Variants in FSTL4 observed in about 807,000 individuals in gnomAD.
The protein encoded by FSTL4 is follistatin like 4.
FSTL4 carries 28 observed loss-of-function variants against 78.2 expected under a neutral mutation model. The ratio of observed to expected loss-of-function variants is 0.36; its 90% CI spans 0.27 to 0.49. The LOEUF is 0.49. Among genes scored for constraint, FSTL4 ranks in the 20% least tolerant of loss-of-function variants. The pLI is 0.98. For synonymous variants in FSTL4, 422 were observed against 440.5 expected, an observed-to-expected ratio of 0.96 and a Z score of 0.53; for missense variants, 922 against 1,084.9, an observed-to-expected ratio of 0.85 and a Z score of 2.11.
chr5:133,763,509 C>A, the FSTL4 span, among the ~76,000 whole-genome samples: 1 of 152,158 alleles, frequency 6.6e-6, no homozygotes, highest in African/African-American at 2.4e-5. Flanking sequence ...CCCCTCTGAG[C>A]CTCCTCCATG....
chr5:133,445,971 A>G (rs1757254669), intron 3 of FSTL4, among the ~76,000 whole-genome samples: 1 of 152,196 alleles, frequency 6.6e-6, no homozygotes, highest in Admixed American at 6.5e-5. Context: ...GTTCTTTTTA[A>G]TGGATACTAC....
intron 4 of FSTL4, among the ~76,000 whole-genome samples, chr5:133,388,840 A>G (rs1179878466): frequency 7.1e-6 from 1 of 141,178 alleles, no homozygotes; most frequent in African/African-American, 2.6e-5. Flanking sequence ...ATCCTCTCCC[A>G]CAGTATTTTT....
chr5:133,797,823 C>T, the FSTL4 span, among the ~76,000 whole-genome samples: 5 of 152,144 alleles, frequency 3.3e-5, no homozygotes, highest in Non-Finnish European at 7.4e-5. Context: ...CAGCGCTTTG[C>T]TCCCCAAACA....
the FSTL4 span, among the ~76,000 whole-genome samples, chr5:133,747,639 T>C: frequency 6.6e-6 from 1 of 152,238 alleles, no homozygotes. Context: ...CTAGATTATG[T>C]AATCAGGCTC....
At chr5:133,458,301 T>C (rs1441827463) in intron 3 of FSTL4, 1 of 152,198 alleles carries the variant, frequency 6.6e-6, no homozygotes, top group Non-Finnish European at 1.5e-5. Flanking sequence ...GTTATTTATG[T>C]ATTAATAAAA....
chr5:133,498,661 T>C (rs946155746), intron 3 of FSTL4, among the ~76,000 whole-genome samples: 10 of 149,794 alleles, frequency 6.7e-5, no homozygotes, highest in Non-Finnish European at 1.3e-4. Context: ...GAGGTTGCAG[T>C]GAGCCAGGAT....
chr5:133,696,661 C>G, the FSTL4 span, among the ~76,000 whole-genome samples: 1 of 152,180 alleles, frequency 6.6e-6, no homozygotes, highest in Non-Finnish European at 1.5e-5. Context: ...GATAAGTGAA[C>G]AGATGGACAG....
chr5:133,536,834 G>A (rs1759359311), intron 3 of FSTL4, among the ~76,000 whole-genome samples: 1 of 151,782 alleles, frequency 6.6e-6, no homozygotes, highest in African/African-American at 2.4e-5. Flanking sequence ...CTTTATCACT[G>A]TAGACTATAT....
the FSTL4 span, among the ~76,000 whole-genome samples, chr5:133,657,776 T>G: frequency 2.6e-3 from 68 of 26,342 alleles, no homozygotes; most frequent in African/African-American, 5.9e-3. Context: ...GTTTTTTTTG[T>G]TTTTTTTTTT....
chr5:133,567,354 G>GT (rs1429924891), intron 2 of FSTL4, 135 bp from the exon 3 acceptor site: 6 of 703,198 alleles, frequency 8.5e-6, no homozygotes, highest in Non-Finnish European at 1.3e-5. Flanking sequence ...ACTGAGCAAT[G>GT]TTGGTCTACT....
At position 133,392,815 on chromosome 5, in the gene FSTL4, G is replaced by A. The variant is rs141387860; in HGVS notation, c.409+7923C>T. Among the ~76,000 whole-genome samples, 258 of 152,264 alleles carry A rather than the reference G, an allele frequency of 1.7e-3. 1 individual carries two copies. Among genetic ancestry groups the A allele is most frequent in the Middle Eastern group, 6.8e-3 (2 of 294 alleles). Reference sequence around the variant, plus strand: ...CAGCAGGAAACAATGTGGGGGACTCGGAGGCTGTAGCTTGTTTCCATAAGT... The same window carrying A: ...CAGCAGGAAACAATGTGGGGGACTCAGAGGCTGTAGCTTGTTTCCATAAGT... On this transcript the variant is annotated intron_variant, in intron 4 of 15. Transcript: ENST00000265342.
rs199741065 is a variant in FSTL4 at position 133,281,191 on chromosome 5, T to G, written c.727+31463A>C. The stretch of plus-strand genomic sequence containing the variant: ...CTTGGAGCCCTGAGCCAGCTGGTTC[T>G]CTCCTTTAGCTCAAATCCTGGGCCT... On this transcript the variant is annotated intron_variant, in intron 6 of 15. Coordinates refer to ENST00000265342, the MANE Select transcript of FSTL4 (RefSeq NM_015082.2). Among the ~76,000 whole-genome samples the G allele has an allele frequency of 2.6e-5, 4 of 152,234 alleles. No homozygotes were observed. In the East Asian group the frequency reaches 7.7e-4, roughly 29 times the overall value.
intron 4 of FSTL4, among the ~76,000 whole-genome samples, chr5:133,321,024 A>AAAAAAAAC: frequency 6.6e-6 from 1 of 151,846 alleles, no homozygotes; most frequent in Non-Finnish European, 1.5e-5. Context: ...AAAAAAAAAA[A>AAAAAAAAC]AAATTCCAAT....
the FSTL4 span, among the ~76,000 whole-genome samples, chr5:133,718,842 A>G: frequency 6.6e-6 from 1 of 152,214 alleles, no homozygotes; most frequent in Non-Finnish European, 1.5e-5. Flanking sequence ...TATTACTGCC[A>G]TTGAAACCAT....
In FSTL4 at chr5:133,225,382, G is replaced by T; in HGVS notation, c.1178-98C>A. 1 of 1,451,012 alleles carries T rather than the reference G, an allele frequency of 6.9e-7. No individual in the cohort carries two copies. Among genetic ancestry groups the T allele is most frequent in the Non-Finnish European group, 9.5e-7 (1 of 1,049,790 alleles). 89.9% of individuals were successfully genotyped at this position (1,451,012 alleles called of 1,614,324 possible). Reference sequence around the variant, plus strand: ...AGAGTGTTAGGGCTGCCCAGCCCCTGGGCAGCCAGCAGCCCTGATTATACG... The same window carrying T: ...AGAGTGTTAGGGCTGCCCAGCCCCTTGGCAGCCAGCAGCCCTGATTATACG... On this transcript the variant is annotated intron_variant, in intron 9 of 15. Coordinates refer to ENST00000265342, the MANE Select transcript of FSTL4 (RefSeq NM_015082.2). This position sits in a 1 kb window ranked among gnomAD's most constrained non-coding sequence, Gnocchi z 4.6.
chr5:133,785,281 G>T, the FSTL4 span, among the ~76,000 whole-genome samples: 1 of 152,132 alleles, frequency 6.6e-6, no homozygotes, highest in African/African-American at 2.4e-5. Flanking sequence ...AAAACCAAGA[G>T]ACCAACTCCA....
At chr5:133,401,708 G>A (rs773199631) in intron 3 of FSTL4, among the ~76,000 whole-genome samples, 6 of 152,212 alleles carry the variant, frequency 3.9e-5, no homozygotes, top group Non-Finnish European at 7.3e-5. Context: ...CGGAGATCAT[G>A]GAGCGGGTGA....
the FSTL4 span, among the ~76,000 whole-genome samples, chr5:133,788,370 T>G: frequency 3.9e-5 from 6 of 152,342 alleles, no homozygotes; most frequent in East Asian, 9.6e-4. Context: ...GTTGCTAGGA[T>G]GACGGGACCA....
the FSTL4 span, among the ~76,000 whole-genome samples, chr5:133,802,495 G>T: frequency 1.3e-5 from 2 of 152,216 alleles, no homozygotes; most frequent in Non-Finnish European, 2.9e-5. Flanking sequence ...CCAGGGAGGA[G>T]TCCAGCCGCC....
Sources: gnomAD v4.1 joint callset for allele counts (sites outside exome capture counted in the v4.1 genomes callset) on GRCh38, gnomAD v4.1.1 for gene constraint, Gnocchi (gnomAD v3.1) non-coding constraint, MANE v1.5 for transcripts, NCBI Gene and HGNC (gene_info 2026-07-23, HGNC 2026-07-21) for gene names.